The following HCN1 variants were observed in gnomAD, a reference collection of about 807,000 sequenced individuals.
HCN1 encodes potassium/sodium hyperpolarization-activated cyclic nucleotide-gated channel 1.
In HCN1, 13 loss-of-function variants were observed where a neutral mutation model predicts 78.9. The observed-to-expected ratio is 0.16, with a 90% CI of 0.11 to 0.26. The LOEUF is 0.26. HCN1 is among the 10% of genes least tolerant of loss of function. The pLI is 1.00. For synonymous variants in HCN1, 552 were observed against 455.5 expected (o/e 1.21, Z -2.70); for missense variants, 810 against 1,154.3 (o/e 0.70, Z 4.32).
intron 4 of HCN1, among the ~76,000 whole-genome samples, chr5:45,384,840 C>A (rs1304324934): frequency 6.6e-6 from 1 of 152,248 alleles, no homozygotes; most frequent in South Asian, 2.1e-4. Flanking sequence ...TGTGACTCTG[C>A]TAGTTAGAGG....
At chr5:45,628,994 A>T (rs1269797382) in intron 2 of HCN1, among the ~76,000 whole-genome samples, 1 of 151,450 alleles carries the variant, frequency 6.6e-6, no homozygotes, top group East Asian at 1.9e-4. Flanking sequence ...ATAAAAAAAA[A>T]AAAGAAAATA....
chr5:45,588,248 G>A (rs1392301113), intron 2 of HCN1, among the ~76,000 whole-genome samples: 3 of 152,014 alleles, frequency 2.0e-5, no homozygotes, highest in South Asian at 2.1e-4. Flanking sequence ...TTTATATTCC[G>A]GCAAGACTAC....
At chr5:45,693,027 GAATTGTAGTAAAGCACCTCCCTGA>G (rs1272353201) in intron 1 of HCN1, among the ~76,000 whole-genome samples, 1 of 152,034 alleles carries the variant, frequency 6.6e-6, no homozygotes, top group African/African-American at 2.4e-5. Flanking sequence ...GACATTTTAG[GAATTGTAGTAAAGCACCTCCCTGA>G]AATAATCCTT....
intron 2 of HCN1, among the ~76,000 whole-genome samples, chr5:45,554,629 GC>G (rs919110241): frequency 6.6e-6 from 1 of 151,708 alleles, no homozygotes; most frequent in African/African-American, 2.4e-5. Flanking sequence ...GCCCCCTACA[GC>G]CTAATCCAAC....
chr5:45,351,055 C>G (rs1034717303), intron 5 of HCN1, among the ~76,000 whole-genome samples: 5 of 152,070 alleles, frequency 3.3e-5, no homozygotes, highest in Admixed American at 3.3e-4. Context: ...CAAAAAAGAG[C>G]CCGCATCACC....
rs554869661 is a variant in HCN1 at position 45,283,377 on chromosome 5, T to C, written c.1619-16124A>G. 3.9e-5 allele frequency among the ~76,000 whole-genome samples: 6 copies of C among 151,956 alleles called. No homozygotes were observed. In the South Asian group the frequency reaches 1.2e-3, roughly 32 times the overall value. On this transcript the variant is annotated intron_variant, in intron 6 of 7. Coordinates refer to ENST00000303230, the MANE Select transcript of HCN1 (RefSeq NM_021072.4). ...AGACAACCTACAGAATGGGAGAAAA[T>C]TTTTGCAAACTATGTAGCTGATAAG...
intron 2 of HCN1, among the ~76,000 whole-genome samples, chr5:45,507,968 G>A (rs1041921624): frequency 6.6e-6 from 1 of 151,930 alleles, no homozygotes. Context: ...CATCTTATCT[G>A]AATTTCACCA....
chr5:45,416,243 G>C (rs1740115462), intron 3 of HCN1, among the ~76,000 whole-genome samples: 1 of 151,740 alleles, frequency 6.6e-6, no homozygotes, highest in Admixed American at 6.6e-5. Flanking sequence ...AAGCATCACT[G>C]GCTAGTTTTC....
At chr5:45,525,190 A>T (rs1204776019) in intron 2 of HCN1, among the ~76,000 whole-genome samples, 2 of 152,126 alleles carry the variant, frequency 1.3e-5, no homozygotes, top group East Asian at 3.9e-4. Context: ...CCAGCCTTAC[A>T]TCCCAGGGAT....
At chr5:45,310,305 A>T (rs767810364) in intron 5 of HCN1, among the ~76,000 whole-genome samples, 6 of 152,066 alleles carry the variant, frequency 3.9e-5, no homozygotes, top group Non-Finnish European at 5.9e-5. Flanking sequence ...AGTAACTTAA[A>T]CAAATTTACA....
intron 2 of HCN1, among the ~76,000 whole-genome samples, chr5:45,472,348 G>A (rs1007681706): frequency 6.6e-6 from 1 of 151,830 alleles, no homozygotes; most frequent in African/African-American, 2.4e-5. Context: ...CCTTAACTCT[G>A]TAAAAGTGTT....
intron 3 of HCN1, among the ~76,000 whole-genome samples, chr5:45,455,183 T>C (rs921195466): frequency 2.6e-5 from 4 of 152,076 alleles, no homozygotes; most frequent in Admixed American, 6.6e-5. Flanking sequence ...GAAAATAGGC[T>C]TGCATGGCTT....
At chr5:45,379,791 A>C (rs1395917844) in intron 4 of HCN1, among the ~76,000 whole-genome samples, 1 of 152,026 alleles carries the variant, frequency 6.6e-6, no homozygotes, top group Non-Finnish European at 1.5e-5. Flanking sequence ...TTGATACAGA[A>C]AGAAAACCAC....
chr5:45,381,461 A>G (rs1320612934), intron 4 of HCN1, among the ~76,000 whole-genome samples: 3 of 152,126 alleles, frequency 2.0e-5, no homozygotes, highest in African/African-American at 7.2e-5. Flanking sequence ...TAAAGTAAAA[A>G]AGCTCACTTA....
chr5:45,607,688 G>A (rs1467216091), intron 2 of HCN1, among the ~76,000 whole-genome samples: 1 of 150,996 alleles, frequency 6.6e-6, no homozygotes, highest in African/African-American at 2.4e-5. Flanking sequence ...AACAGCTGAT[G>A]GATGGTGAAA....
At chr5:45,675,785 T>TA (rs1246089950) in intron 1 of HCN1, among the ~76,000 whole-genome samples, 16 of 151,876 alleles carry the variant, frequency 1.1e-4, no homozygotes, top group East Asian at 1.9e-4. Context: ...CATAAAAACT[T>TA]AAAGTATAAA....
intron 3 of HCN1, among the ~76,000 whole-genome samples, chr5:45,428,196 T>C (rs780412843): frequency 6.6e-6 from 1 of 152,016 alleles, no homozygotes; most frequent in Non-Finnish European, 1.5e-5. Flanking sequence ...CATTTGTAAA[T>C]ACTTTGAAAA....
chr5:45,696,040 G>A lies in HCN1; in HGVS notation c.54C>T (p.Asn18=). 1 of 1,349,168 alleles carries A rather than the reference G, an allele frequency of 7.4e-7. No individual in the cohort carries two copies. Among genetic ancestry groups the A allele is most frequent in the Admixed American group, 2.7e-5 (1 of 36,908 alleles). 83.6% of individuals were successfully genotyped at this position (1,349,168 alleles called of 1,614,324 possible). The part of the protein sequence containing the change: ...NSSSNSRDDG[N]SVFPAKASAT... ...CGGACGCCTTGGCGGGGAAGACGCT[G>A]TTGCCATCGTCCCGGCTGTTAGACG... The change falls in exon 1 of 8, where the codon AAC becomes AAT. Residue 18 remains asparagine, a synonymous_variant. Coordinates refer to ENST00000303230, the MANE Select transcript of HCN1 (RefSeq NM_021072.4).
chr5:45,328,748 C>T (rs1415471205), intron 5 of HCN1, among the ~76,000 whole-genome samples: 3 of 151,508 alleles, frequency 2.0e-5, no homozygotes, highest in Admixed American at 6.6e-5. Flanking sequence ...TCTCTAGTAA[C>T]GAACTGAAAC....
Sources: gnomAD v4.1 joint callset for allele counts (sites outside exome capture counted in the v4.1 genomes callset) on GRCh38, gnomAD v4.1.1 for gene constraint, MANE v1.5 for transcripts, NCBI Gene and HGNC (gene_info 2026-07-23, HGNC 2026-07-21) for gene names.